The following SCAPER variants were observed in gnomAD, a reference collection of about 807,000 sequenced individuals.
The protein encoded by SCAPER is S phase cyclin A-associated protein in the endoplasmic reticulum.
Under a neutral mutation model 182.2 loss-of-function variants are expected in SCAPER, and 98 were observed. The observed-to-expected ratio is 0.54, with a 90% confidence interval of 0.46 to 0.64. The LOEUF (loss-of-function observed/expected upper bound fraction) is 0.64. Among genes scored for constraint, SCAPER ranks in the 30% least tolerant of loss-of-function variants. SCAPER has a pLI of 0.00. For synonymous variants in SCAPER, 605 were observed against 564.6 expected (o/e 1.07, Z -1.01); for missense variants, 1,432 against 1,690.0 (o/e 0.85, Z 2.68).
intron 23 of SCAPER, among the ~76,000 whole-genome samples, chr15:76,528,457 T>C (rs1253258340): frequency 6.6e-6 from 1 of 152,200 alleles, no homozygotes; most frequent in Non-Finnish European, 1.5e-5. Flanking sequence ...CAGAGAGGAA[T>C]CTGTTATTTT....
intron 22 of SCAPER, among the ~76,000 whole-genome samples, chr15:76,612,029 G>T (rs969258576): frequency 6.6e-6 from 1 of 152,088 alleles, no homozygotes; most frequent in Non-Finnish European, 1.5e-5. Flanking sequence ...CTTGAAAGCC[G>T]GCACAAGACA....
rs374616248 is a variant in SCAPER at position 76,624,429 on chromosome 15, T to C, written c.2646-2600A>G. Among the ~76,000 whole-genome samples the C allele has an allele frequency of 1.6e-4, 24 of 152,290 alleles. No homozygotes were observed. In the South Asian group the frequency reaches 1.9e-3, roughly 12 times the overall value. On this transcript the variant is annotated intron_variant, in intron 21 of 31. Coordinates refer to ENST00000563290, the MANE Select transcript of SCAPER (RefSeq NM_020843.4). Reference sequence around the variant, plus strand: ...TACAAATAAATGAAAAAACATTCCATAGGGGCTCATGGATTGGAAGAATCA... The same window carrying C: ...TACAAATAAATGAAAAAACATTCCACAGGGGCTCATGGATTGGAAGAATCA...
intron 15 of SCAPER, among the ~76,000 whole-genome samples, chr15:76,734,894 A>G (rs1745865531): frequency 6.6e-6 from 1 of 152,148 alleles, no homozygotes; most frequent in Non-Finnish European, 1.5e-5. Context: ...CTATATATAT[A>G]TATATGATAA....
intron 20 of SCAPER, among the ~76,000 whole-genome samples, chr15:76,699,899 C>T (rs1002603598): frequency 6.6e-6 from 1 of 152,188 alleles, no homozygotes; most frequent in Non-Finnish European, 1.5e-5. Flanking sequence ...GGAGTCCATA[C>T]CTGCACCGGT....
intron 23 of SCAPER, among the ~76,000 whole-genome samples, chr15:76,533,746 G>A (rs753502174): frequency 4.7e-5 from 7 of 150,498 alleles, no homozygotes; most frequent in Non-Finnish European, 8.9e-5. Flanking sequence ...TTAACTGGCT[G>A]TAATAGTTGA....
intron 21 of SCAPER, among the ~76,000 whole-genome samples, chr15:76,656,550 C>T (rs191360716): frequency 1.3e-5 from 2 of 152,210 alleles, no homozygotes; most frequent in East Asian, 3.9e-4. Context: ...TTAAATGGAC[C>T]TAATGATATC....
rs1223933187 is a variant in SCAPER at position 76,407,546 on chromosome 15, GT to G, written c.3312-2868del. On this transcript the variant is annotated intron_variant, in intron 26 of 31. Transcript: ENST00000563290. Reference sequence around the variant, plus strand: ...AGAGTTCTAACCAGAGTGAAAACTTGTTTTTTTCTGATTATAGTGGTAATAT... The same window carrying G: ...AGAGTTCTAACCAGAGTGAAAACTTGTTTTTTCTGATTATAGTGGTAATAT... Among the ~76,000 whole-genome samples, 12 of 152,124 alleles carry G rather than the reference GT, an allele frequency of 7.9e-5. No homozygotes were observed. In the South Asian group the frequency reaches 2.1e-3, roughly 26 times the overall value.
At chr15:76,492,707 A>G (rs1440105110) in intron 24 of SCAPER, among the ~76,000 whole-genome samples, 1 of 152,190 alleles carries the variant, frequency 6.6e-6, no homozygotes, top group African/African-American at 2.4e-5. Flanking sequence ...CTCAGCAAGA[A>G]GCTTGGGGAC....
intron 21 of SCAPER, among the ~76,000 whole-genome samples, chr15:76,662,287 C>A (rs1044380587): frequency 6.6e-6 from 1 of 152,116 alleles, no homozygotes; most frequent in South Asian, 2.1e-4. Context: ...CACATGTTTA[C>A]CTATGTAACA....
At chr15:76,606,586 T>C (rs1485188148) in intron 22 of SCAPER, among the ~76,000 whole-genome samples, 1 of 151,720 alleles carries the variant, frequency 6.6e-6, no homozygotes, top group Non-Finnish European at 1.5e-5. Flanking sequence ...ACTTTCTGTC[T>C]TGTTGATCTG....
chr15:76,884,871 C>A (rs1333142333), intron 1 of SCAPER, among the ~76,000 whole-genome samples: 1 of 152,136 alleles, frequency 6.6e-6, no homozygotes, highest in South Asian at 2.1e-4. Flanking sequence ...ATATATGCTA[C>A]AATATGGATG....
rs544702198 is a variant in SCAPER, at chr15:76,508,186, A to T, written c.2839-3212T>A. On this transcript the variant is annotated intron_variant, in intron 23 of 31. Coordinates refer to ENST00000563290, the MANE Select transcript of SCAPER (RefSeq NM_020843.4). ...TACCACACTTTACCCAACTGTGTCT[A>T]GCTTTTTTTGGTTGATTGCTTATTT... Among the ~76,000 whole-genome samples the T allele has an allele frequency of 5.9e-5, 9 of 152,174 alleles. No homozygotes were observed. In the South Asian group the frequency reaches 1.9e-3, roughly 31 times the overall value.
chr15:76,541,408 G>A (rs1240657732), intron 23 of SCAPER, among the ~76,000 whole-genome samples: 2 of 152,062 alleles, frequency 1.3e-5, no homozygotes, highest in African/African-American at 4.8e-5. Flanking sequence ...AGACTTGTAT[G>A]GATTTGCTTC....
intron 1 of SCAPER, among the ~76,000 whole-genome samples, chr15:76,888,139 C>T (rs1039060937): frequency 1.3e-5 from 2 of 152,164 alleles, no homozygotes; most frequent in African/African-American, 4.8e-5. Context: ...TCAACATCAA[C>T]CAAAAGGACA....
In SCAPER at chr15:76,617,879, T is replaced by C. The variant is rs150759752; in HGVS notation, c.2711+3885A>G. ...ATGTATTCAGAAATGGCTCAACTTC[T>C]TCTGGCCATCTTTTGCAAATACTGT... On this transcript the variant is annotated intron_variant, in intron 22 of 31. Coordinates refer to ENST00000563290, the MANE Select transcript of SCAPER (RefSeq NM_020843.4). 3.5e-3 allele frequency among the ~76,000 whole-genome samples: 532 copies of C among 152,326 alleles called. 6 individuals are homozygous for C. Among genetic ancestry groups the C allele is most frequent in the African/African-American group, 0.012 (494 of 41,556 alleles).
chr15:76,497,899 G>A (rs420595), intron 24 of SCAPER, among the ~76,000 whole-genome samples: 1 of 140,274 alleles, frequency 7.1e-6, no homozygotes, highest in Non-Finnish European at 1.5e-5. Flanking sequence ...GCTGAGGCAG[G>A]AGAATTGCTT....
Position 76,798,117 on chromosome 15 carries a change from T to C in SCAPER, c.611+2131A>G, listed in dbSNP as rs529352673. Among the ~76,000 whole-genome samples the C allele has an allele frequency of 4.6e-5, 7 of 152,136 alleles. 1 individual carries two copies. Among genetic ancestry groups the C allele is most frequent in the African/African-American group, 1.7e-4 (7 of 41,514 alleles). ...GCTTGTACCTGTAATCCTAGCACAT[T>C]GGGAGCCCAAGGAGGGTGGATCACT... On this transcript the variant is annotated intron_variant, in intron 7 of 31. Transcript: ENST00000563290.
At chr15:76,586,427 C>T (rs894074670) in intron 22 of SCAPER, among the ~76,000 whole-genome samples, 16 of 152,012 alleles carry the variant, frequency 1.1e-4, no homozygotes, top group Admixed American at 9.2e-4. Context: ...CAGGAATTAG[C>T]CATTTCCCCA....
chr15:76,541,569 A>G (rs1454431434), intron 23 of SCAPER, among the ~76,000 whole-genome samples: 2 of 152,144 alleles, frequency 1.3e-5, no homozygotes, highest in Non-Finnish European at 2.9e-5. Context: ...GGATTCCTTG[A>G]CTTGCTAGTT....
Sources: allele counts gnomAD v4.1 joint callset (sites outside exome capture counted in the v4.1 genomes callset), GRCh38; gene constraint gnomAD v4.1.1; transcripts MANE v1.5; gene names NCBI Gene and HGNC (gene_info 2026-07-23, HGNC 2026-07-21).